GUCY1A2: variants seen among roughly 807,000 people sequenced by gnomAD.
The protein encoded by GUCY1A2 is guanylate cyclase 1 soluble subunit alpha 2, also known as guanylate cyclase soluble subunit alpha-2.
GUCY1A2 carries 27 observed loss-of-function variants against 63.5 expected under a neutral mutation model. The observed-to-expected ratio is 0.43, with a 90% confidence interval of 0.31 to 0.59. The LOEUF (loss-of-function observed/expected upper bound fraction) is 0.59. Ranked by LOEUF, GUCY1A2 falls within the 20% of genes least tolerant of loss-of-function variation. The pLI is 0.11. For synonymous variants in GUCY1A2, 364 were observed against 343.5 expected (o/e 1.06, Z -0.66); for missense variants, 768 against 913.3 (o/e 0.84, Z 2.05).
At chr11:106,874,632 G>A (rs1300788445) in intron 4 of GUCY1A2, among the ~76,000 whole-genome samples, 7 of 151,890 alleles carry the variant, frequency 4.6e-5, no homozygotes, top group African/African-American at 7.3e-5. Context: ...GAAGAATGCC[G>A]ACCTTATTAT....
intron 4 of GUCY1A2, among the ~76,000 whole-genome samples, chr11:106,814,214 T>C (rs950460373): frequency 6.6e-6 from 1 of 152,166 alleles, no homozygotes. Context: ...ATGACTATTC[T>C]TTAGAATTCA....
At chr11:106,895,288 G>C (rs1860031128) in intron 4 of GUCY1A2, among the ~76,000 whole-genome samples, 1 of 152,138 alleles carries the variant, frequency 6.6e-6, no homozygotes, top group South Asian at 2.1e-4. Context: ...GAGTTCACTA[G>C]TGAATTCTAC....
At chr11:106,845,653 A>C (rs150588439) in intron 4 of GUCY1A2, among the ~76,000 whole-genome samples, 65 of 151,766 alleles carry the variant, frequency 4.3e-4, no homozygotes, top group African/African-American at 1.6e-3. Context: ...GTTTTAAAAA[A>C]AAAAGAGGCC....
chr11:106,994,035 T>A (rs1302989530), intron 1 of GUCY1A2, among the ~76,000 whole-genome samples: 1 of 152,194 alleles, frequency 6.6e-6, no homozygotes, highest in South Asian at 2.1e-4. Flanking sequence ...ATCTGGGCCA[T>A]TTTTTCCAGT....
At chr11:106,739,014 C>T (rs1469463991) in intron 6 of GUCY1A2, among the ~76,000 whole-genome samples, 1 of 152,112 alleles carries the variant, frequency 6.6e-6, no homozygotes, top group Non-Finnish European at 1.5e-5. Flanking sequence ...TTGATTCTTC[C>T]TATCCACGAG....
intron 4 of GUCY1A2, among the ~76,000 whole-genome samples, chr11:106,920,927 A>G (rs1860436225): frequency 1.3e-5 from 2 of 152,134 alleles, no homozygotes; most frequent in Non-Finnish European, 2.9e-5. Context: ...AATAAAAAGC[A>G]ATGGAGTCTC....
At chr11:107,017,535 G>A (rs974991793) in intron 1 of GUCY1A2, among the ~76,000 whole-genome samples, 2 of 152,236 alleles carry the variant, frequency 1.3e-5, no homozygotes, top group African/African-American at 4.8e-5. Flanking sequence ...CCAAAGGAGT[G>A]GAATCTTATT....
At chr11:106,820,686 C>T (rs1444746543) in intron 4 of GUCY1A2, among the ~76,000 whole-genome samples, 1 of 152,174 alleles carries the variant, frequency 6.6e-6, no homozygotes, top group Non-Finnish European at 1.5e-5. Context: ...GCATGACCCA[C>T]TGCACCTGGC....
intron 3 of GUCY1A2, among the ~76,000 whole-genome samples, chr11:106,954,976 C>CTT (rs142036009): frequency 7.6e-5 from 11 of 144,970 alleles, no homozygotes; most frequent in South Asian, 6.6e-4. Flanking sequence ...CAGTCTGTGT[C>CTT]TTTTTTTTTT....
chr11:106,950,603 A>G (rs1263821111), intron 3 of GUCY1A2, among the ~76,000 whole-genome samples: 2 of 151,980 alleles, frequency 1.3e-5, no homozygotes, highest in African/African-American at 4.8e-5. Flanking sequence ...GGGGGAGGGG[A>G]TTACTGTGAC....
chr11:106,832,544 T>C (rs1336188324), intron 4 of GUCY1A2, among the ~76,000 whole-genome samples: 3 of 152,106 alleles, frequency 2.0e-5, no homozygotes, highest in Non-Finnish European at 4.4e-5. Flanking sequence ...ACAGGTATTC[T>C]TGTCTGGAGC....
chr11:106,940,936 T>A (rs1248566737), intron 3 of GUCY1A2, among the ~76,000 whole-genome samples: 1 of 152,174 alleles, frequency 6.6e-6, no homozygotes, highest in African/African-American at 2.4e-5. Context: ...TCGAAATGCA[T>A]GTATTAAGTG....
rs1039036586 is a variant in GUCY1A2 at position 106,681,115 on chromosome 11, T to G, written c.*6434A>C. The G allele has an allele frequency of 4.3e-5, 9 of 210,764 alleles. No individual in the cohort carries two copies. The highest frequency in any genetic ancestry group is 2.0e-4 in the African/African-American group (9 of 44,140). 13.1% of individuals were successfully genotyped at this position (210,764 alleles called of 1,614,324 possible). A position where few individuals can be genotyped will look rare whatever the true frequency, so the allele number is the denominator to read the frequency against. On this transcript the variant is annotated 3_prime_UTR_variant, in exon 8 of 8. Coordinates refer to ENST00000526355, the MANE Select transcript of GUCY1A2 (RefSeq NM_000855.3). The stretch of plus-strand genomic sequence containing the variant: ...TTTTTTCATTTCGAAATCTGAAAGC[T>G]TTAGTGTTTTTTCAGTATTACTGAA...
chr11:106,847,394 GAAAT>G (rs1319644337), intron 4 of GUCY1A2, among the ~76,000 whole-genome samples: 2 of 151,254 alleles, frequency 1.3e-5, no homozygotes, highest in African/African-American at 4.8e-5. Context: ...ATAGTTGTAA[GAAAT>G]AAATAGGATC....
intron 4 of GUCY1A2, among the ~76,000 whole-genome samples, chr11:106,921,802 CA>C (rs1247635586): frequency 6.6e-6 from 1 of 152,124 alleles, no homozygotes; most frequent in African/African-American, 2.4e-5. Context: ...GGGGTTACCA[CA>C]ATGTGTTTGC....
intron 6 of GUCY1A2, among the ~76,000 whole-genome samples, chr11:106,735,282 C>G (rs574629448): frequency 6.6e-6 from 1 of 152,198 alleles, no homozygotes; most frequent in African/African-American, 2.4e-5. Context: ...CCCCATTTTC[C>G]TCTCTCCTTT....
chr11:106,991,382 C>T (rs1861468599), intron 1 of GUCY1A2, among the ~76,000 whole-genome samples: 1 of 152,142 alleles, frequency 6.6e-6, no homozygotes, highest in Admixed American at 6.6e-5. Flanking sequence ...ATCACTACTG[C>T]TCTAAGCCAA....
At chr11:106,920,846 A>G (rs192695062) in intron 4 of GUCY1A2, among the ~76,000 whole-genome samples, 3 of 152,200 alleles carry the variant, frequency 2.0e-5, no homozygotes, top group East Asian at 1.9e-4. Context: ...CTTTTATTCT[A>G]ACTGTCCTTA....
chr11:106,798,567 T>C (rs1436430574), intron 5 of GUCY1A2, among the ~76,000 whole-genome samples: 1 of 151,852 alleles, frequency 6.6e-6, no homozygotes, highest in Non-Finnish European at 1.5e-5. Context: ...TTATCCACCA[T>C]GATCAAGTGG....
Sources: gnomAD v4.1 joint callset for allele counts (sites outside exome capture counted in the v4.1 genomes callset) on GRCh38, gnomAD v4.1.1 for gene constraint, MANE v1.5 for transcripts, NCBI Gene and HGNC (gene_info 2026-07-23, HGNC 2026-07-21) for gene names.